GTF3A: variants seen among roughly 807,000 people sequenced by gnomAD.
GTF3A encodes the protein general transcription factor IIIA.
In GTF3A, 40 loss-of-function variants were observed where a neutral mutation model predicts 37.6. That is an observed-to-expected ratio of 1.06 (90% CI 0.83 to 1.38). The LOEUF (loss-of-function observed/expected upper bound fraction) is 1.38. Ranked by LOEUF, GTF3A falls within the 40% of genes most tolerant of loss-of-function variation. The pLI, the probability that GTF3A is intolerant of heterozygous loss-of-function variation, is 0.00. For missense variants in GTF3A, 500 were observed against 462.6 expected, an observed-to-expected ratio of 1.08 and a Z score of -0.74; for synonymous variants, 191 against 166.7, an observed-to-expected ratio of 1.15 and a Z score of -1.12.
At chr13:27,435,249 G>A in intron 8 of GTF3A, 57 bp downstream of exon 8, 3 of 1,441,528 alleles carry the variant, frequency 2.1e-6, no homozygotes, top group South Asian at 2.4e-5. Flanking sequence ...TTTAAGGCCA[G>A]AAGGAGTCTG....
intron 1 of GTF3A, chr13:27,426,104 C>G (rs1457360364): frequency 6.6e-6 from 1 of 152,376 alleles, no homozygotes. Flanking sequence ...CTTGCCCGTT[C>G]TAGCCTCTAA....
intron 5 of GTF3A, 74 bp downstream of exon 5, chr13:27,432,878 C>A: frequency 8.1e-7 from 1 of 1,235,358 alleles, no homozygotes; most frequent in African/African-American, 1.5e-5. Flanking sequence ...GTTCTGTGAT[C>A]ACGCTGAAAA....
chr13:27,429,014 A>G (rs1218792), intron 2 of GTF3A, among the ~76,000 whole-genome samples: 149,519 of 152,180 alleles, frequency 0.98, 73,501 homozygotes, highest in Middle Eastern at 1. Context: ...CGGAGAGTGC[A>G]CTTTCTGTCG....
rs1222368138 is a variant in GTF3A at position 27,435,764 on chromosome 13, C to T, written c.*167C>T. 6.2e-7 allele frequency: 1 copy of T among 1,614,070 alleles called. No individual in the cohort carries two copies. Among genetic ancestry groups the T allele is most frequent in the Non-Finnish European group, 8.5e-7 (1 of 1,179,970 alleles). On this transcript the variant is annotated 3_prime_UTR_variant, in exon 9 of 9. Coordinates refer to ENST00000381140, the MANE Select transcript of GTF3A (RefSeq NM_002097.3). ...TGGGTCTCTTGAGTTTCTTTATATG[C>T]CTTCTCCTCATTTTTGCTGAAAGCA...
chr13:27,431,425 A>T (rs1953655768), intron 4 of GTF3A, among the ~76,000 whole-genome samples: 1 of 152,232 alleles, frequency 6.6e-6, no homozygotes, highest in South Asian at 2.1e-4. Flanking sequence ...AGAAAACGTG[A>T]TGTATATACA....
intron 8 of GTF3A, 36 bp from the exon 9 acceptor site, chr13:27,435,397 T>C (rs141371593): frequency 1.1e-5 from 18 of 1,593,502 alleles, no homozygotes; most frequent in East Asian, 1.1e-4. Context: ...AGTTTTGATT[T>C]TGAATTCTAA....
At chr13:27,435,065 ATAGTC>A in intron 7 of GTF3A, 31 bp downstream of exon 7, 1 of 1,539,208 alleles carries the variant, frequency 6.5e-7, no homozygotes, top group Non-Finnish European at 9.0e-7. Flanking sequence ...TCATGGTCCT[ATAGTC>A]TATGCTTTCA....
chr13:27,429,825 TCTC>T, intron 2 of GTF3A, 42 bp from the exon 3 acceptor site: 1 of 1,030,114 alleles, frequency 9.7e-7, no homozygotes, highest in Non-Finnish European at 1.4e-6. Context: ...TAAAACTTCT[TCTC>T]CCTTGGTTTA....
Position 27,424,823 on chromosome 13 carries a change from C to T in GTF3A, c.86C>T (p.Pro29Leu). Residue 29 changes from proline to leucine, a missense_variant, in exon 1 of 9, where the codon CCG (proline) becomes CTG (leucine). By Grantham distance (98) the Pro-to-Leu change is moderately conservative. Coordinates refer to ENST00000381140, the MANE Select transcript of GTF3A (RefSeq NM_002097.3). ...ATTGCAGCCGGCGAGAGCTCAGCTCCGACCCCGCCGCGCCCCGCGCTTCCC... is the reference window on the plus strand; with the variant it reads ...ATTGCAGCCGGCGAGAGCTCAGCTCTGACCCCGCCGCGCCCCGCGCTTCCC... 3 of 1,550,766 alleles carry T rather than the reference C, an allele frequency of 1.9e-6. No homozygotes were observed. The highest frequency in any genetic ancestry group is 2.6e-6 in the Non-Finnish European group (3 of 1,146,848).
At chr13:27,433,690 G>A (rs895947927) in intron 5 of GTF3A, among the ~76,000 whole-genome samples, 13 of 151,994 alleles carry the variant, frequency 8.6e-5, no homozygotes, top group Admixed American at 3.3e-4. Flanking sequence ...ACAAGGGACC[G>A]ACTGCAGAGT....
At chr13:27,428,386 C>T (rs938419236) in intron 2 of GTF3A, among the ~76,000 whole-genome samples, 1 of 152,174 alleles carries the variant, frequency 6.6e-6, no homozygotes, top group Admixed American at 6.5e-5. Context: ...AGTTTGCAGG[C>T]CAGCCCTCTC....
intron 6 of GTF3A, 50 bp downstream of exon 6, chr13:27,434,269 A>T (rs755462792): frequency 5.0e-6 from 4 of 802,872 alleles, no homozygotes; most frequent in South Asian, 4.0e-5. Context: ...GTCCCCACAG[A>T]ACTGATTTAG....
Position 27,434,896 on chromosome 13 carries a change from A to T in GTF3A, c.735A>T (p.Val245=). 1 of 1,611,568 alleles carries T rather than the reference A, an allele frequency of 6.2e-7. No homozygotes were observed. The highest frequency in any genetic ancestry group is 8.5e-7 in the Non-Finnish European group (1 of 1,177,636). Residue 245 remains valine, a synonymous_variant, in exon 7 of 9, where the codon GTA becomes GTT. Transcript: ENST00000381140. ...AAACTCATGCCCCAGAAAGGGATGT[A>T]TGTCGCTGTCCAAGAGAAGGCTGTG...
intron 2 of GTF3A, among the ~76,000 whole-genome samples, chr13:27,428,935 A>G (rs1158452806): frequency 6.6e-6 from 1 of 152,130 alleles, no homozygotes; most frequent in African/African-American, 2.4e-5. Flanking sequence ...CCCCTTATTT[A>G]GAGACTTTGT....
Position 27,435,024 on chromosome 13 carries a change from T to G in GTF3A, c.863T>G (p.Phe288Cys). 6.3e-7 allele frequency: 1 copy of G among 1,598,958 alleles called. No homozygotes were observed. Among genetic ancestry groups the G allele is most frequent in the Non-Finnish European group, 8.6e-7 (1 of 1,166,292 alleles). ...GAACATGCTGGCTGTGGCAAAACATTTGCAATGAAAGTAAGCACTCACCCT... is the reference window on the plus strand; with the variant it reads ...GAACATGCTGGCTGTGGCAAAACATGTGCAATGAAAGTAAGCACTCACCCT... The change falls in exon 7 of 9, where the codon TTT becomes TGT. Residue 288 changes from phenylalanine (F) to cysteine (C), a missense_variant. Transcript: ENST00000381140.
At position 27,435,459 on chromosome 13, in the gene GTF3A, T is replaced by G. The variant is rs768397430; in HGVS notation, c.960T>G (p.Ser320Arg). The G allele has an allele frequency of 1.2e-6, 2 of 1,613,134 alleles. No homozygotes were observed. Among genetic ancestry groups the G allele is most frequent in the South Asian group, 2.2e-5 (2 of 90,942 alleles). The change falls in exon 9 of 9, where the codon AGT becomes AGG. Residue 320 changes from serine to arginine, a missense_variant. Ser to Arg is a moderately radical substitution (Grantham distance 110). Coordinates refer to ENST00000381140, the MANE Select transcript of GTF3A (RefSeq NM_002097.3). ...TCAAAAAATCTCGTGAAAAACGGAG[T>G]TTGGCCTCTCATCTCAGTGGATATA...
chr13:27,432,291 G>C (rs1953663902), intron 4 of GTF3A, among the ~76,000 whole-genome samples: 1 of 152,144 alleles, frequency 6.6e-6, no homozygotes, highest in African/African-American at 2.4e-5. Flanking sequence ...CACAGAGGGG[G>C]CCCGTGCTTT....
chr13:27,427,868 T>C (rs1162095656), intron 2 of GTF3A, among the ~76,000 whole-genome samples: 3 of 152,154 alleles, frequency 2.0e-5, no homozygotes, highest in African/African-American at 7.2e-5. Context: ...CTACTGGACA[T>C]GACTCTTCCA....
chr13:27,435,241 T>TCAAGTTTCAAGTGG, intron 8 of GTF3A, 49 bp downstream of exon 8: 1 of 1,488,092 alleles, frequency 6.7e-7, no homozygotes, highest in Non-Finnish European at 9.2e-7. Flanking sequence ...GGAAATTGTT[T>TCAAGTTTCAAGTGG]AAGGCCAGAA....
Sources: gnomAD v4.1 joint callset for allele counts (sites outside exome capture counted in the v4.1 genomes callset) on GRCh38, gnomAD v4.1.1 for gene constraint, MANE v1.5 for transcripts, NCBI Gene and HGNC (gene_info 2026-07-23, HGNC 2026-07-21) for gene names.